Variants in LRWD1 observed in about 807,000 individuals in gnomAD.
LRWD1 encodes the protein leucine-rich repeat and WD repeat-containing protein 1.
LRWD1 carries 76 observed loss-of-function variants against 75.6 expected under a neutral mutation model. That is an observed-to-expected ratio of 1.01 (90% CI 0.84 to 1.22). The LOEUF (loss-of-function observed/expected upper bound fraction) is 1.22, where lower values mean the gene tolerates loss of function less well. Ranked by LOEUF, LRWD1 falls within the 50% of genes most tolerant of loss-of-function variation. The pLI, the probability that LRWD1 is intolerant of heterozygous loss-of-function variation, is 0.00. For missense variants in LRWD1, 917 were observed against 862.0 expected (o/e 1.06, Z -0.80); for synonymous variants, 487 against 377.0 (o/e 1.29, Z -3.38).
At position 102,467,812 on chromosome 7, in the gene LRWD1, C is replaced by T. The variant is rs1368040110; in HGVS notation, c.667C>T (p.His223Tyr). ...PEKPPEAGAAHKPRARLAALK... is the reference protein window; with the variant it reads ...PEKPPEAGAAYKPRARLAALK... The stretch of plus-strand genomic sequence containing the variant: ...GAAGCCCCCAGAAGCTGGAGCTGCC[C>T]ACAAGCCCAGGGTGAGTGCAGCTCC... The change falls in exon 5 of 15, where the codon CAC (histidine) becomes TAC (tyrosine). Residue 223 changes from histidine to tyrosine, a missense_variant. Physicochemically the swap from His to Tyr is moderately conservative, Grantham distance 83. Transcript: ENST00000292616. 1 of 1,550,262 alleles carries T rather than the reference C, an allele frequency of 6.5e-7. No homozygotes were observed. Among genetic ancestry groups the T allele is most frequent in the East Asian group, 2.4e-5 (1 of 40,980 alleles).
intron 3 of LRWD1, among the ~76,000 whole-genome samples, 164 bp from the exon 4 acceptor site, chr7:102,467,170 GGGTGT>G (rs1563654189): frequency 0.042 from 2,284 of 54,316 alleles, 103 homozygotes; most frequent in African/African-American, 0.071. Context: ...GGTGTGTGTG[GGGTGT>G]GTGTGTGTGT....
In LRWD1 at chr7:102,467,863, C is replaced by T. The variant is rs1276784353; in HGVS notation, c.678+40C>T. On this transcript the variant is annotated intron_variant, in intron 5 of 14. Transcript: ENST00000292616. Reference sequence around the variant, plus strand: ...CAGGGCTCTGAGGCCAGCCCAGTCCCTCCTCCCTGGAGAAGCTTCAGGAGA... The same window carrying T: ...CAGGGCTCTGAGGCCAGCCCAGTCCTTCCTCCCTGGAGAAGCTTCAGGAGA... 3.9e-6 allele frequency: 6 copies of T among 1,541,968 alleles called. No homozygotes were observed. In the South Asian group the frequency reaches 6.0e-5, roughly 15 times the overall value.
Position 102,472,506 on chromosome 7 carries a change from G to C in LRWD1, c.1587G>C (p.Thr529=). The change falls in exon 13 of 15, where the codon ACG becomes ACC. Residue 529 remains threonine, a synonymous_variant. Transcript: ENST00000292616. ...TCTGCCTGTGGAGCTGGAGGCAGAC[G>C]TGGGGGGGCCGGGGCAGCCAGTCCA... is the stretch of plus-strand genomic sequence containing the variant. The part of the protein sequence containing the change: ...GTICLWSWRQ[T]WGGRGSQSTV... 6.4e-7 allele frequency: 1 copy of C among 1,553,130 alleles called. No homozygotes were observed. Among genetic ancestry groups the C allele is most frequent in the Non-Finnish European group, 8.7e-7 (1 of 1,149,738 alleles).
At position 102,472,748 on chromosome 7, in the gene LRWD1, A is replaced by G; in HGVS notation, c.1747A>G (p.Ser583Gly). The change falls in exon 14 of 15, where the codon AGC becomes GGC. Residue 583 changes from serine (S) to glycine (G), a missense_variant. Coordinates refer to ENST00000292616, the MANE Select transcript of LRWD1 (RefSeq NM_152892.3). ...EEGNVWLYDV[S>G]NILKQPPLLP... The stretch of plus-strand genomic sequence containing the variant: ...GGGCAACGTGTGGCTCTACGACGTC[A>G]GCAACATCCTGAAGCAGCCACCCCT... The G allele has an allele frequency of 6.2e-7, 1 of 1,613,494 alleles. No individual in the cohort carries two copies.
chr7:102,473,081 G>C lies in LRWD1; in HGVS notation c.*32G>C. The C allele has an allele frequency of 6.4e-7, 1 of 1,563,738 alleles. No individual in the cohort carries two copies. The highest frequency in any genetic ancestry group is 1.7e-4 in the Middle Eastern group (1 of 5,868). ...ACCATCGCAAAGGACCAGGGACACA[G>C]CTAACTAACTTATTCAGCTTTGGGC... On this transcript the variant is annotated 3_prime_UTR_variant, in exon 15 of 15. Coordinates refer to ENST00000292616, the MANE Select transcript of LRWD1 (RefSeq NM_152892.3).
intron 11 of LRWD1, 104 bp downstream of exon 11, chr7:102,469,986 GGTT>G (rs1798137806): frequency 7.2e-7 from 1 of 1,380,116 alleles, no homozygotes; most frequent in African/African-American, 1.5e-5. Flanking sequence ...TAACCATAAG[GGTT>G]GTTTTTAGAG....
At chr7:102,469,344 C>T (rs1173963447) in intron 9 of LRWD1, among the ~76,000 whole-genome samples, 7 of 152,216 alleles carry the variant, frequency 4.6e-5, no homozygotes, top group Admixed American at 1.3e-4. Context: ...GCGCCCCTGT[C>T]AAGGGGGATG....
rs1477234463 is a variant in LRWD1 at position 102,468,662 on chromosome 7, C to T, written c.1020+8C>T. Reference sequence around the variant, plus strand: ...TACAAGGCACCCGGCGAGGTGAGTGCAAGGCCCTGTCCCTGCTGGGCAAGG... The same window carrying T: ...TACAAGGCACCCGGCGAGGTGAGTGTAAGGCCCTGTCCCTGCTGGGCAAGG... On this transcript the variant is annotated splice_region_variant and intron_variant, in intron 8 of 14. Coordinates refer to ENST00000292616, the MANE Select transcript of LRWD1 (RefSeq NM_152892.3). 1.3e-6 allele frequency: 2 copies of T among 1,559,022 alleles called. No homozygotes were observed. The highest frequency in any genetic ancestry group is 2.4e-5 in the East Asian group (1 of 41,362).
rs1798075865 is a variant in LRWD1, at chr7:102,468,289, C to T, written c.831C>T (p.His277=). The T allele has an allele frequency of 3.1e-6, 5 of 1,611,744 alleles. No individual in the cohort carries two copies. Among genetic ancestry groups the T allele is most frequent in the South Asian group, 1.1e-5 (1 of 90,510 alleles). ...CTGCTGTGAAGCTGGAGCCCCTGCACTTCCTGCAGTGCCACAGCAAGAACA... is the reference window on the plus strand; with the variant it reads ...CTGCTGTGAAGCTGGAGCCCCTGCATTTCCTGCAGTGCCACAGCAAGAACA... ...SQPAVKLEPL[H]FLQCHSKNNS... The change falls in exon 7 of 15, where the codon CAC becomes CAT. Residue 277 remains histidine, a synonymous_variant. Transcript: ENST00000292616.
rs1040357215 is a variant in LRWD1 at position 102,468,175 on chromosome 7, C to T, written c.792C>T (p.Ser264=). Residue 264 remains serine, a synonymous_variant, in exon 6 of 15, where the codon TCC becomes TCT. Transcript: ENST00000292616. ...TGGAGGGCAGCCCTGTGGCAGGCTC[C>T]GATGGCAGCCAGGTGAGCTGAGGTG... ...AQVEGSPVAG[S]DGSQPAVKLE... 8.7e-6 allele frequency: 14 copies of T among 1,605,430 alleles called. No individual in the cohort carries two copies. The highest frequency in any genetic ancestry group is 5.3e-5 in the African/African-American group (4 of 74,896).
At chr7:102,472,385 TG>T (rs1222222245) in intron 12 of LRWD1, 68 bp from the exon 13 acceptor site, 2 of 1,550,958 alleles carry the variant, frequency 1.3e-6, no homozygotes, top group Non-Finnish European at 1.7e-6. Flanking sequence ...GCTAGGCTTC[TG>T]AGGATCTCTA....
At chr7:102,465,486 C>T (rs747463928) in intron 1 of LRWD1, 2 of 200,056 alleles carry the variant, frequency 1.0e-5, no homozygotes, top group African/African-American at 3.7e-5. Context: ...AAAGTAGTTG[C>T]AGCTTTTTTT....
chr7:102,467,575 T>G (rs1173749720), intron 4 of LRWD1, 96 bp downstream of exon 4: 9 of 1,554,474 alleles, frequency 5.8e-6, no homozygotes, highest in Non-Finnish European at 7.0e-6. Context: ...GCTGTGGGAG[T>G]GGGGTGAGTC....
rs774538905 is a variant in LRWD1, at chr7:102,465,910, C to T, written c.174C>T (p.His58=). 3.1e-6 allele frequency: 5 copies of T among 1,613,684 alleles called. No individual in the cohort carries two copies. The highest frequency in any genetic ancestry group is 2.7e-5 in the African/African-American group (2 of 74,924). Residue 58 remains histidine, a synonymous_variant, in exon 2 of 15, where the codon CAC becomes CAT. Coordinates refer to ENST00000292616, the MANE Select transcript of LRWD1 (RefSeq NM_152892.3). ...QLQELDLSNN[H]LETLPDNLGL... The stretch of plus-strand genomic sequence containing the variant: ...AGGAGCTTGACCTGTCTAACAACCA[C>T]CTGGAGACGCTGCCGGACAACCTGG...
chr7:102,468,334 G>T lies in LRWD1; in HGVS notation c.876G>T (p.Glu292Asp), dbSNP rs1407185666. The T allele has an allele frequency of 1.9e-6, 3 of 1,612,392 alleles. No individual in the cohort carries two copies. In the Admixed American group the frequency reaches 5.0e-5, roughly 27 times the overall value. Reference protein sequence around the residue: ...HSKNNSPQDLETQLWACAFEP... With the variant: ...HSKNNSPQDLDTQLWACAFEP... Reference sequence around the variant, plus strand: ...AGAACAACAGCCCCCAGGACCTCGAGACCCAGCTGTGGGCCTGTGCCTTCG... The same window carrying T: ...AGAACAACAGCCCCCAGGACCTCGATACCCAGCTGTGGGCCTGTGCCTTCG... Residue 292 changes from glutamate to aspartate, a missense_variant, in exon 7 of 15, where the codon GAG (glutamate) becomes GAT (aspartate). Transcript: ENST00000292616.
Position 102,467,780 on chromosome 7 carries a change from G to A in LRWD1, c.635G>A (p.Ser212Asn). ...AGGACCCAGGTGCAAAAGGCTAACA[G>A]CCCAGAGAAGCCCCCAGAAGCTGGA... is the stretch of plus-strand genomic sequence containing the variant. ...ASRTQVQKAN[S>N]PEKPPEAGAA... Residue 212 changes from serine (S) to asparagine (N), a missense_variant, in exon 5 of 15, where the codon AGC (serine) becomes AAC (asparagine). Coordinates refer to ENST00000292616, the MANE Select transcript of LRWD1 (RefSeq NM_152892.3). 1.3e-6 allele frequency: 2 copies of A among 1,551,466 alleles called. No individual in the cohort carries two copies. Among genetic ancestry groups the A allele is most frequent in the East Asian group, 4.9e-5 (2 of 41,056 alleles).
intron 11 of LRWD1, chr7:102,471,384 C>G (rs1798179827): frequency 6.5e-6 from 1 of 154,292 alleles, no homozygotes; most frequent in Non-Finnish European, 1.5e-5. Context: ...GGATTTTTAG[C>G]TTACCTACAA....
Position 102,468,000 on chromosome 7 carries a change from T to A in LRWD1, c.679-62T>A, listed in dbSNP as rs1798064489. 1.9e-6 allele frequency: 3 copies of A among 1,580,144 alleles called. No homozygotes were observed. The Admixed American group carries it at 5.2e-5, about 27-fold the overall frequency. On this transcript the variant is annotated intron_variant, in intron 5 of 14. Coordinates refer to ENST00000292616, the MANE Select transcript of LRWD1 (RefSeq NM_152892.3). Reference sequence around the variant, plus strand: ...ATCCGCAGTGAGGTGGGGTCCAGCCTGTGATGGGGAGGAAGGAAGCCCCAG... The same window carrying A: ...ATCCGCAGTGAGGTGGGGTCCAGCCAGTGATGGGGAGGAAGGAAGCCCCAG...
At chr7:102,472,868 C>T (rs753319032) in intron 14 of LRWD1, 41 bp from the exon 15 acceptor site, 2 of 1,611,584 alleles carry the variant, frequency 1.2e-6, no homozygotes, top group East Asian at 4.5e-5. Context: ...TGCCTTTGGT[C>T]AGCAGGAGCC....
Sources: gnomAD v4.1 joint callset for allele counts (sites outside exome capture counted in the v4.1 genomes callset) on GRCh38, gnomAD v4.1.1 for gene constraint, MANE v1.5 for transcripts, NCBI Gene and HGNC (gene_info 2026-07-23, HGNC 2026-07-21) for gene names.